The following NCOR2 variants were observed in gnomAD, a reference collection of about 807,000 sequenced individuals.
The protein encoded by NCOR2 is CTG repeat protein 26.
Under a neutral mutation model 262.9 loss-of-function variants are expected in NCOR2, and 81 were observed. The observed-to-expected ratio is 0.31, with a 90% confidence interval of 0.26 to 0.37. The LOEUF is 0.37. Among genes scored for constraint, NCOR2 ranks in the 10% least tolerant of loss-of-function variants. NCOR2 has a pLI of 1.00. For missense variants in NCOR2, 3,385 were observed against 3,621.4 expected, an observed-to-expected ratio of 0.93 and a Z score of 1.68; for synonymous variants, 1,659 against 1,559.3, an observed-to-expected ratio of 1.06 and a Z score of -1.51.
intron 20 of NCOR2, among the ~76,000 whole-genome samples, chr12:124,366,045 C>T (rs1254284509): frequency 8.5e-5 from 13 of 152,182 alleles, no homozygotes; most frequent in African/African-American, 1.7e-4. Context: ...GGAAAGCAGT[C>T]GGTGAGCCCT....
intron 8 of NCOR2, 91 bp from the exon 11 acceptor site, chr12:124,430,878 A>G (rs910954108): frequency 8.9e-6 from 13 of 1,465,006 alleles, no homozygotes; most frequent in African/African-American, 5.6e-5. Flanking sequence ...GCAGACACAC[A>G]GGTGCGTGCG....
chr12:124,422,657 T>C, intron 11 of NCOR2, 102 bp from the exon 14 acceptor site: 2 of 1,285,102 alleles, frequency 1.6e-6, no homozygotes, highest in Non-Finnish European at 2.1e-6. Flanking sequence ...TGGCCGGGCC[T>C]GGCGGGCACC....
At position 124,336,940 on chromosome 12, in the gene NCOR2, C is replaced by T. The variant is rs753634167; in HGVS notation, c.5928G>A (p.Ser1976=). The T allele has an allele frequency of 1.2e-5, 19 of 1,550,626 alleles. No homozygotes were observed. The highest frequency in any genetic ancestry group is 6.8e-5 in the East Asian group (3 of 43,810). ...CAGGAGGCACTAGGGGCCGGGGCTC[C>T]GAGCCCTTGCTGGGGGAGGAGGCGG... The change falls in exon 38 of 47, where the codon TCG becomes TCA. Residue 1976 remains serine (S), a synonymous_variant. Transcript: ENST00000405201.
intron 3 of NCOR2, among the ~76,000 whole-genome samples, chr12:124,477,177 G>T (rs938334679): frequency 1.3e-5 from 2 of 151,010 alleles, no homozygotes; most frequent in African/African-American, 4.8e-5. Flanking sequence ...ATTCCCACAT[G>T]TCATGGGAGG....
chr12:124,441,995 C>G (rs1404126753), intron 7 of NCOR2, among the ~76,000 whole-genome samples: 1 of 152,188 alleles, frequency 6.6e-6, no homozygotes. Context: ...TAAAGAGACA[C>G]GAGCACAAAT....
In NCOR2 at chr12:124,408,030, A is replaced by C. The variant is rs141321248; in HGVS notation, c.1483-5469T>G. Among the ~76,000 whole-genome samples the C allele has an allele frequency of 1.1e-3, 166 of 152,328 alleles. 1 individual carries two copies. In the East Asian group the frequency reaches 0.028, roughly 25 times the overall value. ...AAATGCAGTCAGGGGAGGCCATCTCAGTGCGTTTAAGGGTTGTCTTTTTAT... is the reference window on the plus strand; with the variant it reads ...AAATGCAGTCAGGGGAGGCCATCTCCGTGCGTTTAAGGGTTGTCTTTTTAT... On this transcript the variant is annotated intron_variant, in intron 13 of 46. Transcript: ENST00000405201.
At chr12:124,408,357 C>A (rs1244056) in intron 13 of NCOR2, among the ~76,000 whole-genome samples, 146,810 of 151,746 alleles carry the variant, frequency 0.97, 71,195 homozygotes, top group East Asian at 1. Flanking sequence ...CTGTCTCAAA[C>A]AAAAATAAAT....
At chr12:124,431,638 C>T (rs1272597349) in intron 8 of NCOR2, among the ~76,000 whole-genome samples, 2 of 150,820 alleles carry the variant, frequency 1.3e-5, no homozygotes, top group Non-Finnish European at 3.0e-5. Context: ...TACACAGGCA[C>T]ACATACATAC....
In NCOR2 at chr12:124,523,267, C is replaced by A. The variant is rs373653374; in HGVS notation, c.-118+12298G>T. On this transcript the variant is annotated intron_variant, in intron 1 of 46. Transcript: ENST00000404621. The surrounding 1 kb of genome is among the most constrained non-coding windows in gnomAD (Gnocchi z 4.0). ...TCAAGACTCACTTCCAACTGCAGCA[C>A]CATCCGGCACGCCAGAATACCATGG... Among the ~76,000 whole-genome samples, 1 of 152,348 alleles carries A rather than the reference C, an allele frequency of 6.6e-6. No individual in the cohort carries two copies. Among genetic ancestry groups the A allele is most frequent in the East Asian group, 1.9e-4 (1 of 5,182 alleles).
intron 1 of NCOR2, chr12:124,562,210 G>A (rs2052094969): frequency 6.6e-6 from 1 of 152,190 alleles, no homozygotes; most frequent in African/African-American, 2.4e-5. Flanking sequence ...CAGTTCAGCT[G>A]CTCAGTGGCA....
chr12:124,330,733 G>T, intron 44 of NCOR2, 112 bp downstream of exon 46: 1 of 1,197,434 alleles, frequency 8.4e-7, no homozygotes, highest in Non-Finnish European at 1.2e-6. Flanking sequence ...CAGAATGAGG[G>T]GGTACACCCA....
chr12:124,414,107 C>T (rs905272586), intron 13 of NCOR2, among the ~76,000 whole-genome samples: 1 of 152,232 alleles, frequency 6.6e-6, no homozygotes, highest in African/African-American at 2.4e-5. Context: ...AGAGGCCTGT[C>T]CTACCTGGCG....
chr12:124,374,701 C>CTGTT (rs1375689783), intron 18 of NCOR2, among the ~76,000 whole-genome samples: 2 of 152,262 alleles, frequency 1.3e-5, no homozygotes, highest in Non-Finnish European at 2.9e-5. Flanking sequence ...GTCCAATGGC[C>CTGTT]TGTTCAAGGC....
At chr12:124,371,168 C>T (rs887208976) in intron 20 of NCOR2, among the ~76,000 whole-genome samples, 1 of 152,058 alleles carries the variant, frequency 6.6e-6, no homozygotes, top group Non-Finnish European at 1.5e-5. Flanking sequence ...ATGCAGCCCC[C>T]ACCTGCCAGG....
At chr12:124,512,758 T>G (rs1044632056) in intron 1 of NCOR2, among the ~76,000 whole-genome samples, 2 of 152,204 alleles carry the variant, frequency 1.3e-5, no homozygotes, top group Non-Finnish European at 2.9e-5. Flanking sequence ...GGGCCAAGGT[T>G]TGAACCTGGC....
chr12:124,327,525 T>C (rs776245999), exon 45 of NCOR2: 1 of 1,613,882 alleles, frequency 6.2e-7, no homozygotes, highest in South Asian at 1.1e-5. Flanking sequence ...CGGCGGGGAC[T>C]CTTCCCACTG....
chr12:124,526,603 C>G (rs902026157), intron 1 of NCOR2, among the ~76,000 whole-genome samples: 1 of 152,182 alleles, frequency 6.6e-6, no homozygotes, highest in Non-Finnish European at 1.5e-5. Context: ...CCAGCACATG[C>G]TCAGGTCCTG....
At chr12:124,402,285 C>T in intron 14 of NCOR2, 119 bp downstream of exon 16, 2 of 1,537,752 alleles carry the variant, frequency 1.3e-6, no homozygotes, top group Non-Finnish European at 1.8e-6. Flanking sequence ...AAGCCCTCCC[C>T]CCTGCTCACA....
chr12:124,550,118 A>AAGCAGGGG (rs1401612878), intron 1 of NCOR2, among the ~76,000 whole-genome samples: 2 of 151,126 alleles, frequency 1.3e-5, no homozygotes, highest in East Asian at 4.2e-4. Context: ...TGGTGGATGG[A>AAGCAGGGG]AGCAGGGGTG....
Sources: gnomAD v4.1 joint callset for allele counts (sites outside exome capture counted in the v4.1 genomes callset) on GRCh38, gnomAD v4.1.1 for gene constraint, Gnocchi (gnomAD v3.1) non-coding constraint, MANE v1.5 for transcripts, NCBI Gene and HGNC (gene_info 2026-07-23, HGNC 2026-07-21) for gene names.